The following PAM variants were observed in gnomAD, a reference collection of about 807,000 sequenced individuals.
The protein encoded by PAM is peptidylglycine alpha-amidating monooxygenase, also known as peptidyl-glycine alpha-amidating monooxygenase.
In PAM, 72 loss-of-function variants were observed where a neutral mutation model predicts 122.1. The ratio of observed to expected loss-of-function variants is 0.59; its 90% CI spans 0.49 to 0.72. The LOEUF is 0.72. Among genes scored for constraint, PAM ranks in the 30% least tolerant of loss-of-function variants. The probability of loss-of-function intolerance (pLI) is 0.00; values close to 1 mark genes in which losing one functional copy is unlikely to be tolerated. For missense variants in PAM, 1,106 were observed against 1,183.7 expected (o/e 0.93, Z 0.96); for synonymous variants, 389 against 404.4 (o/e 0.96, Z 0.46).
At chr5:103,010,693 AATGTT>A (rs1403120711) in intron 21 of PAM, among the ~76,000 whole-genome samples, 4 of 152,228 alleles carry the variant, frequency 2.6e-5, no homozygotes, top group Non-Finnish European at 5.9e-5. Flanking sequence ...TGACACTTAT[AATGTT>A]ATGTTATTTT....
At chr5:102,977,168 A>T (rs1376573639) in intron 15 of PAM, among the ~76,000 whole-genome samples, 1 of 152,178 alleles carries the variant, frequency 6.6e-6, no homozygotes, top group South Asian at 2.1e-4. Context: ...TGTGGGTGTG[A>T]CTATATGGTA....
At chr5:102,789,181 A>G (rs528542749) in intron 1 of PAM, among the ~76,000 whole-genome samples, 2 of 152,218 alleles carry the variant, frequency 1.3e-5, no homozygotes, top group South Asian at 4.2e-4. Flanking sequence ...AAAATTCAGT[A>G]TAGAGACTGA....
At chr5:103,005,361 C>G in intron 18 of PAM, 135 bp downstream of exon 18, 2 of 646,974 alleles carry the variant, frequency 3.1e-6, no homozygotes, top group Admixed American at 2.6e-5. Flanking sequence ...GAAAATAGAG[C>G]AGCCATGTCT....
chr5:102,952,203 C>G (rs1205584702), intron 12 of PAM, among the ~76,000 whole-genome samples: 1 of 152,072 alleles, frequency 6.6e-6, no homozygotes, highest in Admixed American at 6.6e-5. Context: ...CTAGAGGGCT[C>G]TTTACAGTTT....
At position 102,770,165 on chromosome 5, in the gene PAM, G is replaced by A. The variant is rs185751379; in HGVS notation, c.-374+14817G>A. Among the ~76,000 whole-genome samples the A allele has an allele frequency of 2.5e-4, 38 of 151,998 alleles. 2 individuals are homozygous for A. Among genetic ancestry groups the A allele is most frequent in the Admixed American group, 2.2e-3 (33 of 15,256 alleles). ...TCTTCTTCAGATTGTTTGGCTGTTG[G>A]TATATAGAAATGCTACTGATTTTTG... On this transcript the variant is annotated intron_variant, in intron 1 of 25. Transcript: ENST00000438793.
chr5:102,949,451 T>G, intron 9 of PAM, 86 bp from the exon 10 acceptor site: 1 of 785,694 alleles, frequency 1.3e-6, no homozygotes, highest in South Asian at 1.4e-5. Flanking sequence ...TAGCATCTTG[T>G]GAATACCCTA....
chr5:102,927,040 C>A (rs1749806406), intron 7 of PAM, among the ~76,000 whole-genome samples: 1 of 151,948 alleles, frequency 6.6e-6, no homozygotes, highest in South Asian at 2.1e-4. Flanking sequence ...CTGAGCAAGC[C>A]ACCGAGAGTC....
intron 5 of PAM, among the ~76,000 whole-genome samples, chr5:102,919,736 G>T (rs73774902): frequency 6.6e-6 from 1 of 151,826 alleles, no homozygotes; most frequent in Non-Finnish European, 1.5e-5. Context: ...CTATCATATC[G>T]CATATTGGGA....
At chr5:102,839,665 G>A (rs1357966099) in intron 1 of PAM, among the ~76,000 whole-genome samples, 1 of 151,858 alleles carries the variant, frequency 6.6e-6, no homozygotes, top group East Asian at 1.9e-4. Flanking sequence ...AAACTAAATC[G>A]AGCTATGTAT....
chr5:102,874,398 A>T (rs932209063), intron 3 of PAM, among the ~76,000 whole-genome samples: 9 of 152,176 alleles, frequency 5.9e-5, no homozygotes, highest in Non-Finnish European at 8.8e-5. Context: ...AAATTATGAT[A>T]CTTCCTCTTT....
At chr5:102,996,308 G>A (rs979567485) in intron 16 of PAM, among the ~76,000 whole-genome samples, 2 of 152,234 alleles carry the variant, frequency 1.3e-5, no homozygotes, top group East Asian at 1.9e-4. Flanking sequence ...AATGTTCAGG[G>A]TATTATTATA....
At chr5:102,791,446 AT>A (rs1762037884) in intron 1 of PAM, among the ~76,000 whole-genome samples, 1 of 151,910 alleles carries the variant, frequency 6.6e-6, no homozygotes, top group African/African-American at 2.4e-5. Flanking sequence ...CATTTTTTAT[AT>A]TATTTTTGAA....
intron 19 of PAM, 105 bp downstream of exon 19, chr5:103,007,116 C>T (rs1421368209): frequency 7.2e-6 from 6 of 835,670 alleles, no homozygotes; most frequent in Non-Finnish European, 1.1e-5. Context: ...TTGTCCCCTA[C>T]AGGGTCATTG....
intron 1 of PAM, among the ~76,000 whole-genome samples, chr5:102,841,012 G>C (rs549654288): frequency 2.1e-4 from 30 of 145,410 alleles, no homozygotes; most frequent in Non-Finnish European, 3.9e-4. Flanking sequence ...TGGAAGATTA[G>C]AAGAAACATA....
At chr5:102,829,559 A>G (rs1459183295) in intron 1 of PAM, among the ~76,000 whole-genome samples, 1 of 152,034 alleles carries the variant, frequency 6.6e-6, no homozygotes, top group Admixed American at 6.6e-5. Context: ...TATTTTTAGT[A>G]GAGACGAGGT....
At chr5:102,948,257 T>A (rs950874090) in intron 8 of PAM, 121 bp from the exon 9 acceptor site, 1 of 565,586 alleles carries the variant, frequency 1.8e-6, no homozygotes, top group Non-Finnish European at 3.2e-6. Flanking sequence ...CCTCTTTTTC[T>A]ACTTCAATTT....
At chr5:102,993,554 G>A (rs1356658177) in intron 16 of PAM, among the ~76,000 whole-genome samples, 2 of 152,000 alleles carry the variant, frequency 1.3e-5, no homozygotes, top group East Asian at 3.8e-4. Context: ...AAGGGATCTT[G>A]GAATTAGTAT....
Position 102,989,751 on chromosome 5 carries a change from G to T in PAM, c.1484-521G>T, listed in dbSNP as rs1773390586. 2.0e-5 allele frequency: 3 copies of T among 151,490 alleles called. No individual in the cohort carries two copies. The South Asian group carries it at 6.3e-4, about 32-fold the overall frequency. The allele number at this position is 151,490 out of a possible 1,614,324, so 9.4% of individuals were successfully genotyped here. On this transcript the variant is annotated intron_variant, in intron 15 of 25. Transcript: ENST00000438793. ...AATCAATGAGTGGTTTATTATGGGG[G>T]CTATTTTATACTGAATATCCAGAAT...
intron 17 of PAM, among the ~76,000 whole-genome samples, 156 bp from the exon 18 acceptor site, chr5:103,004,998 T>C (rs1310429482): frequency 6.6e-6 from 1 of 152,250 alleles, no homozygotes; most frequent in African/African-American, 2.4e-5. Flanking sequence ...ATAACAGTTT[T>C]TATTAACTAT....
Sources: allele counts gnomAD v4.1 joint callset (sites outside exome capture counted in the v4.1 genomes callset), GRCh38; gene constraint gnomAD v4.1.1; transcripts MANE v1.5; gene names NCBI Gene and HGNC (gene_info 2026-07-23, HGNC 2026-07-21).